Variants in CACNA1D observed in about 807,000 individuals in gnomAD.
CACNA1D encodes voltage-dependent L-type calcium channel subunit alpha-1D.
A neutral mutation model predicts 257.1 loss-of-function variants in CACNA1D; 55 were observed. That is an observed-to-expected ratio of 0.21 (90% confidence interval 0.17 to 0.27). The LOEUF (loss-of-function observed/expected upper bound fraction) is 0.27, where lower values mean the gene tolerates loss of function less well. Among genes scored for constraint, CACNA1D ranks in the 10% least tolerant of loss-of-function variants. The probability of loss-of-function intolerance (pLI) is 1.00; values close to 1 mark genes in which losing one functional copy is unlikely to be tolerated. For synonymous variants in CACNA1D, 980 were observed against 1,014.9 expected (o/e 0.97, Z 0.65); for missense variants, 1,876 against 2,784.0 (o/e 0.67, Z 7.34).
At chr3:53,729,465 C>T (rs2094967213) in intron 15 of CACNA1D, among the ~76,000 whole-genome samples, 1 of 152,172 alleles carries the variant, frequency 6.6e-6, no homozygotes, top group African/African-American at 2.4e-5. Context: ...GATGGCCGGG[C>T]ATCAGGCAGA....
intron 16 of CACNA1D, 98 bp from the exon 17 acceptor site, chr3:53,730,979 C>T: frequency 1.3e-6 from 1 of 767,844 alleles, no homozygotes; most frequent in Admixed American, 2.1e-5. Context: ...TAAATTCTGT[C>T]CTTCATTGGA....
intron 8 of CACNA1D, among the ~76,000 whole-genome samples, chr3:53,697,520 TG>T (rs150116590): frequency 0.027 from 4,172 of 152,282 alleles, 179 homozygotes; most frequent in African/African-American, 0.094. Context: ...AATTTGAATT[TG>T]GTTAGTAGTG....
intron 3 of CACNA1D, among the ~76,000 whole-genome samples, chr3:53,632,537 A>G (rs1005291819): frequency 2.0e-5 from 3 of 152,226 alleles, no homozygotes; most frequent in African/African-American, 7.2e-5. Context: ...TGCATTCACA[A>G]CTTGGCTAAT....
rs2108852963 is a variant in CACNA1D, at chr3:53,747,345, G to A, written c.3211G>A (p.Val1071Met). Residue 1071 changes from valine to methionine, a missense_variant, in exon 26 of 48, where the codon GTG (valine) becomes ATG (methionine). Physicochemically the swap from Val to Met is conservative, Grantham distance 21 (BLOSUM62 1). Coordinates refer to ENST00000350061, the MANE Select transcript of CACNA1D (RefSeq NM_001128840.3). ...CAAGGATGGGGATGTTGACAGTCCT[G>A]TGGTCCGTGAACGGATCTGGCAAAA... ...LYKDGDVDSP[V>M]VRERIWQNSD... 1 of 1,613,924 alleles carries A rather than the reference G, an allele frequency of 6.2e-7. No individual in the cohort carries two copies. Among genetic ancestry groups the A allele is most frequent in the Non-Finnish European group, 8.5e-7 (1 of 1,179,780 alleles).
At chr3:53,553,011 G>A (rs2092566246) in intron 3 of CACNA1D, among the ~76,000 whole-genome samples, 1 of 152,172 alleles carries the variant, frequency 6.6e-6, no homozygotes, top group Non-Finnish European at 1.5e-5. Context: ...AAAAACTCCT[G>A]GGCGGGAGCA....
intron 3 of CACNA1D, among the ~76,000 whole-genome samples, chr3:53,591,168 T>C (rs1292620549): frequency 6.6e-6 from 1 of 152,184 alleles, no homozygotes; most frequent in African/African-American, 2.4e-5. Context: ...TTTTCTCTTA[T>C]TCTCTCTGTC....
chr3:53,544,216 G>T (rs2092363913), intron 3 of CACNA1D, among the ~76,000 whole-genome samples: 1 of 152,132 alleles, frequency 6.6e-6, no homozygotes, highest in Admixed American at 6.5e-5. Context: ...TGTCCCCTCA[G>T]TCTTTCTCTC....
At chr3:53,549,602 G>C (rs2092486664) in intron 3 of CACNA1D, among the ~76,000 whole-genome samples, 1 of 152,122 alleles carries the variant, frequency 6.6e-6, no homozygotes, top group Non-Finnish European at 1.5e-5. Flanking sequence ...CAGTCTTTAG[G>C]TGCTCACTCT....
chr3:53,811,253 G>T lies in CACNA1D; in HGVS notation c.6333G>T (p.Val2111=), dbSNP rs1369199895. 1 of 1,613,978 alleles carries T rather than the reference G, an allele frequency of 6.2e-7. No individual in the cohort carries two copies. Among genetic ancestry groups the T allele is most frequent in the South Asian group, 1.1e-5 (1 of 91,084 alleles). Residue 2111 remains valine, a synonymous_variant, in exon 48 of 48, where the codon GTG becomes GTT. Transcript: ENST00000350061. The surrounding 1 kb of genome is among the most constrained non-coding windows in gnomAD (Gnocchi z 4.2). ...CCAGCACCCTGCTTAATGGGAACGTGCGTCCCCGAGCCAACGGGGATGTGG... is the reference window on the plus strand; with the variant it reads ...CCAGCACCCTGCTTAATGGGAACGTTCGTCCCCGAGCCAACGGGGATGTGG... ...SAASTLLNGN[V]RPRANGDVGP...
At chr3:53,536,337 GTCT>G (rs1160583705) in intron 3 of CACNA1D, among the ~76,000 whole-genome samples, 47 of 151,988 alleles carry the variant, frequency 3.1e-4, no homozygotes, top group Admixed American at 3.1e-3. Flanking sequence ...GCAAATTTGT[GTCT>G]TCTTGACCAT....
Position 53,660,254 on chromosome 3 carries a change from C to T in CACNA1D, c.745C>T (p.Arg249Ter). ...LRAFRVLRPLRLVSGVPSLQV... is the reference protein window; with the variant it reads ...LRAFRVLRPL The stretch of plus-strand genomic sequence containing the variant: ...TGCCTTTCGAGTGTTGCGACCACTT[C>T]GACTAGTGTCAGGAGTGCCCAGTAA... The change falls in exon 5 of 48, where the codon CGA becomes TGA. Residue 249 changes from arginine to a stop codon, truncating the protein, a stop_gained. Coordinates refer to ENST00000350061, the MANE Select transcript of CACNA1D (RefSeq NM_001128840.3). LOFTEE classifies it high-confidence loss of function. 1 of 1,614,062 alleles carries T rather than the reference C, an allele frequency of 6.2e-7. No homozygotes were observed. Among genetic ancestry groups the T allele is most frequent in the Non-Finnish European group, 8.5e-7 (1 of 1,179,962 alleles).
At chr3:53,682,385 A>AAC (rs1244429214) in intron 8 of CACNA1D, among the ~76,000 whole-genome samples, 9 of 147,980 alleles carry the variant, frequency 6.1e-5, no homozygotes, top group African/African-American at 9.9e-5. Flanking sequence ...AAAAAAAAAA[A>AAC]AAAAAAAAAA....
At chr3:53,801,523 G>A (rs2095535949) in intron 42 of CACNA1D, 98 bp downstream of exon 42, 2 of 1,496,116 alleles carry the variant, frequency 1.3e-6, no homozygotes, top group Non-Finnish European at 9.2e-7. Context: ...GTGCTCTGGG[G>A]CATGGAGGAG....
chr3:53,767,054 G>A (rs2095336535), intron 30 of CACNA1D, among the ~76,000 whole-genome samples: 1 of 152,120 alleles, frequency 6.6e-6, no homozygotes, highest in Admixed American at 6.5e-5. Context: ...CTTCATCCGT[G>A]TACTGTTCCC....
At chr3:53,769,395 G>A (rs1373754951) in intron 30 of CACNA1D, among the ~76,000 whole-genome samples, 21 of 152,220 alleles carry the variant, frequency 1.4e-4, no homozygotes, top group Admixed American at 1.4e-3. Flanking sequence ...TTTCTGTAGG[G>A]AAGCCTGCCT....
rs542171334 is a variant in CACNA1D at position 53,800,831 on chromosome 3, G to A, written c.5041-227G>A. ...GGAAGAGCACACTCGAGTGACAGCCGACAGCTTGCTCCCCAGCTCAGGAAA... is the reference window on the plus strand; with the variant it reads ...GGAAGAGCACACTCGAGTGACAGCCAACAGCTTGCTCCCCAGCTCAGGAAA... On this transcript the variant is annotated intron_variant, in intron 41 of 47. Transcript: ENST00000350061. The surrounding 1 kb of genome is among the most constrained non-coding windows in gnomAD (Gnocchi z 4.3). The A allele has an allele frequency of 3.4e-4, 208 of 606,014 alleles. 1 individual carries two copies. The highest frequency in any genetic ancestry group is 1.5e-4 in the South Asian group (8 of 52,654). The allele number at this position is 606,014 out of a possible 1,614,324, so 37.5% of individuals were successfully genotyped here.
chr3:53,711,603 G>A (rs2108641837), intron 9 of CACNA1D, among the ~76,000 whole-genome samples: 1 of 152,304 alleles, frequency 6.6e-6, no homozygotes, highest in Admixed American at 6.5e-5. Flanking sequence ...CAGACAGCAG[G>A]GACGTGAAGC....
intron 3 of CACNA1D, among the ~76,000 whole-genome samples, chr3:53,640,693 C>T (rs1312130718): frequency 6.6e-6 from 1 of 152,222 alleles, no homozygotes; most frequent in Non-Finnish European, 1.5e-5. Context: ...GATTTACCTT[C>T]ATGATGACAT....
chr3:53,751,785 T>C lies in CACNA1D; in HGVS notation c.3553T>C (p.Leu1185=). 1 of 1,614,208 alleles carries C rather than the reference T, an allele frequency of 6.2e-7. No homozygotes were observed. Among genetic ancestry groups the C allele is most frequent in the Non-Finnish European group, 8.5e-7 (1 of 1,180,018 alleles). The part of the protein sequence containing the change: ...CVEYALKARP[L]RRYIPKNPYQ... ...TGAATACGCCTTGAAAGCACGTCCC[T>C]TGCGGAGATACATCCCCAAAAACCC... The change falls in exon 28 of 48, where the codon TTG becomes CTG. Residue 1185 remains leucine (L), a synonymous_variant. Transcript: ENST00000350061. This position sits in a 1 kb window ranked among gnomAD's most constrained non-coding sequence, Gnocchi z 4.3.
Sources: allele counts gnomAD v4.1 joint callset (sites outside exome capture counted in the v4.1 genomes callset), GRCh38; gene constraint gnomAD v4.1.1; non-coding constraint Gnocchi (gnomAD v3.1); transcripts MANE v1.5; gene names NCBI Gene and HGNC (gene_info 2026-07-23, HGNC 2026-07-21).